LAMC2: variants seen among roughly 807,000 people sequenced by gnomAD.
LAMC2 encodes laminin subunit gamma-2.
A neutral mutation model predicts 140.2 loss-of-function variants in LAMC2; 97 were observed. The observed-to-expected ratio is 0.69, with a 90% CI of 0.59 to 0.82. The LOEUF is 0.82. Ranked by LOEUF, LAMC2 falls within the 40% of genes least tolerant of loss-of-function variation. LAMC2 has a pLI of 0.00. For synonymous variants in LAMC2, 513 were observed against 540.2 expected, an observed-to-expected ratio of 0.95 and a Z score of 0.70; for missense variants, 1,402 against 1,476.1, an observed-to-expected ratio of 0.95 and a Z score of 0.82.
chr1:183,250,545 G>A, the LAMC2 span: 1 of 152,658 alleles, frequency 6.6e-6, no homozygotes, highest in Non-Finnish European at 1.5e-5. Context: ...TGACGGCCTA[G>A]GGGTCAGGGA....
rs1203136876 is a variant in LAMC2 at position 183,239,535 on chromosome 1, C to G, written c.3041C>G (p.Ala1014Gly). The change falls in exon 20 of 23, where the codon GCC (alanine) becomes GGC (glycine). Residue 1014 changes from alanine to glycine, a missense_variant. Around this residue, in one of 3 missense-constraint regions of LAMC2, gnomAD observed 670 missense variants for 667.2 expected, o/e 1.00. Coordinates refer to ENST00000264144, the MANE Select transcript of LAMC2 (RefSeq NM_005562.3). ...AQRAKNGAGE[A>G]LEISSEIEQE... ...AGGGCAAAGAATGGGGCCGGGGAGG[C>G]CCTGGAAATCTCCAGTGAGATTGAA... 1 of 1,613,656 alleles carries G rather than the reference C, an allele frequency of 6.2e-7. No homozygotes were observed. The highest frequency in any genetic ancestry group is 1.7e-5 in the Admixed American group (1 of 59,916).
chr1:183,188,025 T>C (rs1658208307), intron 1 of LAMC2, among the ~76,000 whole-genome samples: 3 of 152,210 alleles, frequency 2.0e-5, no homozygotes, highest in Non-Finnish European at 4.4e-5. Context: ...AATAAATATA[T>C]AGGATGCTAT....
intron 3 of LAMC2, 108 bp downstream of exon 3, chr1:183,215,696 C>T: frequency 7.6e-7 from 1 of 1,323,390 alleles, no homozygotes; most frequent in East Asian, 2.3e-5. Flanking sequence ...CCAAACACTG[C>T]TTTGAGAGTA....
At chr1:183,217,686 G>T (rs1419405626) in intron 3 of LAMC2, among the ~76,000 whole-genome samples, 3 of 152,210 alleles carry the variant, frequency 2.0e-5, no homozygotes, top group Non-Finnish European at 4.4e-5. Flanking sequence ...TCTAGAATAG[G>T]CAAGTCTGGA....
At chr1:183,255,994 CT>C in the LAMC2 span, among the ~76,000 whole-genome samples, 5 of 152,054 alleles carry the variant, frequency 3.3e-5, no homozygotes, top group Non-Finnish European at 7.4e-5. Flanking sequence ...ACTTTCAGTA[CT>C]TTGCTGAATG....
chr1:183,197,361 C>T (rs1161780010), intron 1 of LAMC2, among the ~76,000 whole-genome samples: 1 of 152,088 alleles, frequency 6.6e-6, no homozygotes, highest in Admixed American at 6.6e-5. Flanking sequence ...GTGTAAAGAA[C>T]TTTTGAGATA....
intron 3 of LAMC2, among the ~76,000 whole-genome samples, chr1:183,218,050 A>T (rs946235781): frequency 4.6e-5 from 7 of 152,218 alleles, no homozygotes; most frequent in East Asian, 1.9e-4. Flanking sequence ...TAATTTTTTT[A>T]AAAAATGTAA....
chr1:183,205,867 A>C (rs189415987), intron 1 of LAMC2, among the ~76,000 whole-genome samples: 48 of 151,946 alleles, frequency 3.2e-4, no homozygotes, highest in African/African-American at 1.1e-3. Flanking sequence ...TTGTGTGTGT[A>C]TGTTTTCAGG....
chr1:183,250,966 A>T, the LAMC2 span: 1 of 152,218 alleles, frequency 6.6e-6, no homozygotes, highest in Non-Finnish European at 1.5e-5. Context: ...ATACTCAGGG[A>T]CTATTTCTCA....
chr1:183,232,530 TG>T (rs1327407568), intron 13 of LAMC2, 121 bp from the exon 14 acceptor site: 1 of 1,086,092 alleles, frequency 9.2e-7, no homozygotes, highest in Non-Finnish European at 1.4e-6. Context: ...AAAGAATGGT[TG>T]GATGCATTTC....
At chr1:183,201,998 T>C (rs1285748066) in intron 1 of LAMC2, among the ~76,000 whole-genome samples, 1 of 152,022 alleles carries the variant, frequency 6.6e-6, no homozygotes, top group Non-Finnish European at 1.5e-5. Flanking sequence ...AATCACAACA[T>C]GGAACTCCCT....
chr1:183,252,838 G>A, the LAMC2 span: 1 of 883,564 alleles, frequency 1.1e-6, no homozygotes, highest in South Asian at 1.4e-5. Flanking sequence ...CCCATTTGTA[G>A]CCTTTTCTCA....
rs534376455 is a variant in LAMC2, at chr1:183,231,174, G to A, written c.1857+71G>A. ...CCTTAAGTGTCCACTGGGTGGTTCTGTCACAGATCTAGGACACTCCTAGTC... is the reference window on the plus strand; with the variant it reads ...CCTTAAGTGTCCACTGGGTGGTTCTATCACAGATCTAGGACACTCCTAGTC... On this transcript the variant is annotated intron_variant, in intron 12 of 22. Coordinates refer to ENST00000264144, the MANE Select transcript of LAMC2 (RefSeq NM_005562.3). The A allele has an allele frequency of 1.8e-5, 29 of 1,573,594 alleles. No individual in the cohort carries two copies. In the African/African-American group the frequency reaches 3.2e-4, roughly 18 times the overall value.
chr1:183,240,530 C>A, intron 22 of LAMC2, 139 bp downstream of exon 22: 1 of 1,463,398 alleles, frequency 6.8e-7, no homozygotes, highest in Non-Finnish European at 9.0e-7. Flanking sequence ...GTTTCCAGGC[C>A]CAGATAACTT....
intron 19 of LAMC2, among the ~76,000 whole-genome samples, 193 bp from the exon 20 acceptor site, chr1:183,239,171 T>G (rs1290249896): frequency 6.6e-6 from 1 of 152,188 alleles, no homozygotes; most frequent in Non-Finnish European, 1.5e-5. Flanking sequence ...TCGGTTTCTC[T>G]AAGCAACGGA....
chr1:183,242,632 G>T (rs1660160688), intron 22 of LAMC2, among the ~76,000 whole-genome samples: 2 of 152,172 alleles, frequency 1.3e-5, no homozygotes, highest in Non-Finnish European at 2.9e-5. Context: ...CTAGCAGCTG[G>T]AATCCATTCC....
rs772002771 is a variant in LAMC2 at position 183,239,448 on chromosome 1, A to G, written c.2954A>G (p.Asp985Gly). The G allele has an allele frequency of 3.1e-6, 5 of 1,614,206 alleles. No homozygotes were observed. Among genetic ancestry groups the G allele is most frequent in the Non-Finnish European group, 4.2e-6 (5 of 1,180,028 alleles). Residue 985 changes from aspartate (D) to glycine (G), a missense_variant, in exon 20 of 23, where the codon GAT (aspartate) becomes GGT (glycine). Transcript: ENST00000264144. Reference sequence around the variant, plus strand: ...TCCTACATCAGCCAGAAGGTTTCAGATGCCAGTGACAAGACCCAGCAAGCA... The same window carrying G: ...TCCTACATCAGCCAGAAGGTTTCAGGTGCCAGTGACAAGACCCAGCAAGCA... ...RLSYISQKVSDASDKTQQAER... is the reference protein window; with the variant it reads ...RLSYISQKVSGASDKTQQAER...
At chr1:183,203,863 G>T (rs1250166545) in intron 1 of LAMC2, among the ~76,000 whole-genome samples, 2 of 152,156 alleles carry the variant, frequency 1.3e-5, no homozygotes, top group African/African-American at 4.8e-5. Context: ...GGCTTTAAGG[G>T]AGACCCATTT....
intron 2 of LAMC2, among the ~76,000 whole-genome samples, chr1:183,212,590 C>T (rs1178906675): frequency 1.3e-5 from 2 of 152,146 alleles, no homozygotes; most frequent in Non-Finnish European, 2.9e-5. Flanking sequence ...CCTCCTCTCT[C>T]CATCTACTTC....
Sources: gnomAD v4.1 joint callset for allele counts (sites outside exome capture counted in the v4.1 genomes callset) on GRCh38, gnomAD v4.1.1 for gene constraint, gnomAD v4.1.1 regional missense constraint, MANE v1.5 for transcripts, NCBI Gene and HGNC (gene_info 2026-07-23, HGNC 2026-07-21) for gene names.